The following USP15 variants were observed in gnomAD, a reference collection of about 807,000 sequenced individuals.
The protein encoded by USP15 is ubiquitin carboxyl-terminal hydrolase 15.
Under a neutral mutation model 127.1 loss-of-function variants are expected in USP15, and 18 were observed. The ratio of observed to expected loss-of-function variants is 0.14; its 90% confidence interval spans 0.10 to 0.21. The LOEUF (loss-of-function observed/expected upper bound fraction) is 0.21. Among genes scored for constraint, USP15 ranks in the 10% least tolerant of loss-of-function variants. The probability of loss-of-function intolerance (pLI) is 1.00; values close to 1 mark genes in which losing one functional copy is unlikely to be tolerated. For synonymous variants in USP15, 364 were observed against 393.7 expected (o/e 0.92, Z 0.89); for missense variants, 805 against 1,159.9 (o/e 0.69, Z 4.44).
At chr12:62,322,101 T>C (rs1416715521) in intron 5 of USP15, among the ~76,000 whole-genome samples, 2 of 152,172 alleles carry the variant, frequency 1.3e-5, no homozygotes, top group Admixed American at 6.6e-5. Context: ...CCAGCCCTTG[T>C]TGAAAGGTGT....
rs150053216 is a variant in USP15 at position 62,270,124 on chromosome 12, T to A, written c.89+9621T>A. Among the ~76,000 whole-genome samples, 327 of 152,234 alleles carry A rather than the reference T, an allele frequency of 2.1e-3. 2 individuals carry two copies. The highest frequency in any genetic ancestry group is 7.8e-3 in the African/African-American group (323 of 41,558). ...TTTTGATTTGCATTTTCTTGATAGG[T>A]AATGATGTTGAGTATCTTTTCACCT... On this transcript the variant is annotated intron_variant, in intron 1 of 21. Transcript: ENST00000280377.
At chr12:62,381,742 A>C in intron 9 of USP15, 79 bp downstream of exon 9, 3 of 1,408,934 alleles carry the variant, frequency 2.1e-6, no homozygotes, top group Non-Finnish European at 2.9e-6. Flanking sequence ...GGGAGTGAAA[A>C]ATAGTAGCTA....
intron 20 of USP15, among the ~76,000 whole-genome samples, chr12:62,396,771 C>T (rs1396344160): frequency 1.5e-4 from 23 of 152,116 alleles, no homozygotes; most frequent in Admixed American, 1.5e-3. Flanking sequence ...GGTCTCGACA[C>T]TTATGAAGAC....
intron 7 of USP15, among the ~76,000 whole-genome samples, chr12:62,352,034 A>G (rs1410696151): frequency 2.0e-5 from 3 of 151,892 alleles, no homozygotes; most frequent in Admixed American, 1.3e-4. Context: ...AAAATAGGTA[A>G]TGACCTTTTT....
rs757945935 is a variant in USP15 at position 62,381,673 on chromosome 12, G to C, written c.1089+10G>C. 2 of 1,601,014 alleles carry C rather than the reference G, an allele frequency of 1.2e-6. No individual in the cohort carries two copies. Among genetic ancestry groups the C allele is most frequent in the Non-Finnish European group, 1.7e-6 (2 of 1,172,286 alleles). On this transcript the variant is annotated intron_variant, in intron 9 of 21. Coordinates refer to ENST00000280377, the MANE Select transcript of USP15 (RefSeq NM_001252078.2). ...CCCAAGAGCCTTTAAGGTTAGTGTG[G>C]TAAATGCATTTTAGCAAGGGTACCT...
chr12:62,295,041 A>T (rs1245531709), intron 2 of USP15, among the ~76,000 whole-genome samples: 1 of 152,208 alleles, frequency 6.6e-6, no homozygotes, highest in African/African-American at 2.4e-5. Flanking sequence ...CCCTTAGTTG[A>T]GGAAACAGAG....
intron 1 of USP15, among the ~76,000 whole-genome samples, chr12:62,271,573 A>G (rs2063345538): frequency 6.6e-6 from 1 of 151,920 alleles, no homozygotes; most frequent in African/African-American, 2.4e-5. Context: ...TATTATTTTT[A>G]TATTGTTAAT....
At position 62,389,967 on chromosome 12, in the gene USP15, A is replaced by G. The variant is rs1470324034; in HGVS notation, c.1823A>G (p.Asn608Ser). 1.2e-6 allele frequency: 2 copies of G among 1,609,748 alleles called. No individual in the cohort carries two copies. Among genetic ancestry groups the G allele is most frequent in the East Asian group, 2.2e-5 (1 of 44,790 alleles). ...PRNNTEDKLYNLLLLRMCRYV... is the reference protein window; with the variant it reads ...PRNNTEDKLYSLLLLRMCRYV... ...AACAATACTGAAGACAAACTTTATAATCTCCTGCTCTTGAGAATGTGGTAA... is the reference window on the plus strand; with the variant it reads ...AACAATACTGAAGACAAACTTTATAGTCTCCTGCTCTTGAGAATGTGGTAA... Residue 608 changes from asparagine (N) to serine (S), a missense_variant, in exon 14 of 22, where the codon AAT becomes AGT. By Grantham distance (46) the Asn-to-Ser change is conservative (BLOSUM62 1). Transcript: ENST00000280377.
chr12:62,385,520 G>C (rs1208415075), intron 11 of USP15, among the ~76,000 whole-genome samples: 1 of 151,926 alleles, frequency 6.6e-6, no homozygotes, highest in Non-Finnish European at 1.5e-5. Flanking sequence ...TAAGCAATTT[G>C]TTTTTCTGCT....
intron 8 of USP15, among the ~76,000 whole-genome samples, chr12:62,363,365 T>C (rs933594247): frequency 2.0e-5 from 3 of 152,134 alleles, no homozygotes; most frequent in Non-Finnish European, 2.9e-5. Flanking sequence ...GCTTATTTCC[T>C]ATCACTTACC....
At chr12:62,369,464 G>GT (rs2066590163) in intron 8 of USP15, among the ~76,000 whole-genome samples, 1 of 131,584 alleles carries the variant, frequency 7.6e-6, no homozygotes, top group Admixed American at 7.7e-5. Flanking sequence ...TATGCCAACT[G>GT]GTTTTTTTTT....
Position 62,408,078 on chromosome 12 carries a change from TA to T in USP15, c.*3704del, listed in dbSNP as rs1290173540. ...ACAACATAAAGGTGGTGGGGTTTTT[TA>T]TGAACTAATTTGATTGAAGTGAGTT... On this transcript the variant is annotated 3_prime_UTR_variant, in exon 22 of 22. Transcript: ENST00000280377. The T allele has an allele frequency of 6.6e-6, 1 of 152,100 alleles. No homozygotes were observed. The highest frequency in any genetic ancestry group is 2.4e-5 in the African/African-American group (1 of 41,426). 9.4% of individuals were successfully genotyped at this position (152,100 alleles called of 1,614,324 possible). A position where few individuals can be genotyped will look rare whatever the true frequency, so the allele number is the denominator to read the frequency against.
chr12:62,335,504 T>G, intron 6 of USP15: 1 of 1,179,772 alleles, frequency 8.5e-7, no homozygotes, highest in Non-Finnish European at 1.0e-6. Flanking sequence ...TTTATCTCAA[T>G]GCTTCCTGGT....
intron 8 of USP15, among the ~76,000 whole-genome samples, chr12:62,380,098 C>G (rs190434672): frequency 1.2e-4 from 19 of 152,100 alleles, no homozygotes; most frequent in Middle Eastern, 3.4e-3. Context: ...TCACTCCAAA[C>G]ATTTTAGCTG....
In USP15 at chr12:62,408,796, A is replaced by G. The variant is rs1385740588; in HGVS notation, c.*4421A>G. On this transcript the variant is annotated 3_prime_UTR_variant, in exon 22 of 22. Coordinates refer to ENST00000280377, the MANE Select transcript of USP15 (RefSeq NM_001252078.2). ...TATCAGATTTTCTAGTGAGAAATAT[A>G]TATGATGGTTTTTTAATAATCATTT... The G allele has an allele frequency of 5.3e-5, 8 of 152,114 alleles. No homozygotes were observed. Among genetic ancestry groups the G allele is most frequent in the African/African-American group, 1.7e-4 (7 of 41,454 alleles). The allele number at this position is 152,114 out of a possible 1,614,324, so 9.4% of individuals were successfully genotyped here.
At chr12:62,308,225 T>A (rs2064544242) in intron 3 of USP15, among the ~76,000 whole-genome samples, 1 of 152,004 alleles carries the variant, frequency 6.6e-6, no homozygotes, top group African/African-American at 2.4e-5. Flanking sequence ...TTGAGACTAG[T>A]TGGGGCCTTT....
intron 6 of USP15, among the ~76,000 whole-genome samples, chr12:62,348,272 C>A (rs2065875240): frequency 6.6e-6 from 1 of 151,864 alleles, no homozygotes; most frequent in East Asian, 1.9e-4. Flanking sequence ...ATTTTATTGC[C>A]CACCATTTGT....
At chr12:62,314,034 G>A (rs1251968440) in intron 3 of USP15, 1 of 898,640 alleles carries the variant, frequency 1.1e-6, no homozygotes. Flanking sequence ...ACCTTTAGAA[G>A]ATCGAAAGGA....
chr12:62,278,653 G>A (rs1242324555), intron 1 of USP15: 1 of 152,152 alleles, frequency 6.6e-6, no homozygotes, highest in African/African-American at 2.4e-5. Context: ...ACTGTATACA[G>A]ATGGTCCTCA....
Sources: allele counts gnomAD v4.1 joint callset (sites outside exome capture counted in the v4.1 genomes callset), GRCh38; gene constraint gnomAD v4.1.1; transcripts MANE v1.5; gene names NCBI Gene and HGNC (gene_info 2026-07-23, HGNC 2026-07-21).